Variants in HP1BP3 observed in about 807,000 individuals in gnomAD.
HP1BP3 encodes the protein heterochromatin protein 1 binding protein 3, also known as heterochromatin protein 1-binding protein 3.
A neutral mutation model predicts 62.5 loss-of-function variants in HP1BP3; 12 were observed. The ratio of observed to expected loss-of-function variants is 0.19; its 90% CI spans 0.12 to 0.31. HP1BP3 has a LOEUF of 0.31. HP1BP3 is among the 10% of genes least tolerant of loss of function. The pLI, the probability that HP1BP3 is intolerant of heterozygous loss-of-function variation, is 1.00. For missense variants in HP1BP3, 502 were observed against 651.8 expected, an observed-to-expected ratio of 0.77 and a Z score of 2.50; for synonymous variants, 260 against 237.8, an observed-to-expected ratio of 1.09 and a Z score of -0.86.
chr1:20,783,990 G>C (rs977784720), intron 1 of HP1BP3, among the ~76,000 whole-genome samples: 3 of 148,164 alleles, frequency 2.0e-5, no homozygotes, highest in African/African-American at 7.5e-5. Context: ...TTTTTTGTTT[G>C]TTTGTTTTAA....
At position 20,742,594 on chromosome 1, in the gene HP1BP3, G is replaced by C. The variant is rs2055113346; in HGVS notation, c.*2203C>G. The C allele has an allele frequency of 6.6e-6, 1 of 152,530 alleles. No individual in the cohort carries two copies. The highest frequency in any genetic ancestry group is 1.5e-5 in the Non-Finnish European group (1 of 68,016). The allele number at this position is 152,530 out of a possible 1,614,324, so 9.4% of individuals were successfully genotyped here. On this transcript the variant is annotated 3_prime_UTR_variant, in exon 13 of 13. Transcript: ENST00000438032. The stretch of plus-strand genomic sequence containing the variant: ...ATGATGGTGTTCATTTCAAGGAGTA[G>C]AAAAGACTTAAAGTGAGGGCGACAC...
intron 4 of HP1BP3, chr1:20,775,429 C>T (rs1421580596): frequency 6.6e-6 from 1 of 152,178 alleles, no homozygotes; most frequent in East Asian, 1.9e-4. Flanking sequence ...AGGGCTACAG[C>T]TGTGCACCAT....
In HP1BP3 at chr1:20,773,625, ATTG is replaced by A; in HGVS notation, c.351-18_351-16del. The A allele has an allele frequency of 6.5e-7, 1 of 1,535,524 alleles. No individual in the cohort carries two copies. On this transcript the variant is annotated splice_polypyrimidine_tract_variant and intron_variant, in intron 4 of 12. Transcript: ENST00000438032. ...GATCTTTCTCACTTTAAAACAAAGA[ATTG>A]TTATTATAGAAGATAAGCTCTCTAG...
At chr1:20,766,518 T>C (rs1307210075) in intron 7 of HP1BP3, among the ~76,000 whole-genome samples, 1 of 152,200 alleles carries the variant, frequency 6.6e-6, no homozygotes, top group Non-Finnish European at 1.5e-5. Context: ...GACATTTCAC[T>C]TTATTATTGT....
chr1:20,784,070 A>G lies in HP1BP3; in HGVS notation c.-101+3125T>C, dbSNP rs1179391141. 2.6e-5 allele frequency among the ~76,000 whole-genome samples: 4 copies of G among 152,104 alleles called. 1 individual carries two copies. The highest frequency in any genetic ancestry group is 9.7e-5 in the African/African-American group (4 of 41,404). On this transcript the variant is annotated intron_variant, in intron 1 of 12. Transcript: ENST00000438032. ...CTGCAGCCTCAACCTCCCAGGCTCA[A>G]GCGACTCTCCCACCTTAGTCTCCCT...
At position 20,745,582 on chromosome 1, in the gene HP1BP3, T is replaced by C; in HGVS notation, c.1328A>G (p.Glu443Gly). ...CGGCTCTTCATCCTCAGAGTCTTCT[T>C]CTGATGACTCATCTTCATCTTCATC... Reference protein sequence around the residue: ...DEDEDEDESSEEDSEDEEPPP... With the variant: ...DEDEDEDESSGEDSEDEEPPP... The change falls in exon 12 of 13, where the codon GAA (glutamate) becomes GGA (glycine). Residue 443 changes from glutamate to glycine, a missense_variant. By Grantham distance (98) the Glu-to-Gly change is moderately conservative. Coordinates refer to ENST00000438032, the MANE Select transcript of HP1BP3 (RefSeq NM_001372052.1). 6.2e-7 allele frequency: 1 copy of C among 1,612,948 alleles called. No individual in the cohort carries two copies. The highest frequency in any genetic ancestry group is 2.2e-5 in the East Asian group (1 of 44,876).
intron 7 of HP1BP3, 97 bp from the exon 8 acceptor site, chr1:20,765,628 A>C: frequency 1.1e-6 from 1 of 906,610 alleles, no homozygotes; most frequent in Non-Finnish European, 1.7e-6. Flanking sequence ...AAATTTGTCA[A>C]TTTTATGGCA....
Position 20,779,866 on chromosome 1 carries a change from T to C in HP1BP3, c.142A>G (p.Thr48Ala), listed in dbSNP as rs2057465182. 6.2e-7 allele frequency: 1 copy of C among 1,613,590 alleles called. No individual in the cohort carries two copies. Among genetic ancestry groups the C allele is most frequent in the African/African-American group, 1.3e-5 (1 of 75,028 alleles). Reference protein sequence around the residue: ...TMPIRRTVNSTRETPPKSKLA... With the variant: ...TMPIRRTVNSARETPPKSKLA... ...TTGCTTTTGGGAGGAGTTTCCCGGG[T>C]AGAATTCACAGTTCGACGAATCGGC... Residue 48 changes from threonine (T) to alanine (A), a missense_variant, in exon 3 of 13, where the codon ACC becomes GCC. Around this residue, in one of 5 missense-constraint regions of HP1BP3, gnomAD observed 165 missense variants for 156.4 expected, o/e 1.05. Transcript: ENST00000438032.
At chr1:20,778,527 T>C (rs1362214146) in intron 3 of HP1BP3, among the ~76,000 whole-genome samples, 2 of 152,256 alleles carry the variant, frequency 1.3e-5, no homozygotes, top group South Asian at 2.1e-4. Context: ...CTGTTAAACA[T>C]GGATTAAGAT....
chr1:20,773,468 A>G lies in HP1BP3; in HGVS notation c.493T>C (p.Leu165=). ...SSPRPKMDAI[L]TEAIKACFQK... ...AAACTTGCCTTAATGGCCTCAGTTA[A>G]GATTGCATCCATCTTGGGACGTGGG... Residue 165 remains leucine, a synonymous_variant, in exon 5 of 13, where the codon TTA becomes CTA. Transcript: ENST00000438032. 1 of 1,610,982 alleles carries G rather than the reference A, an allele frequency of 6.2e-7. No individual in the cohort carries two copies. The highest frequency in any genetic ancestry group is 2.2e-5 in the East Asian group (1 of 44,790).
Position 20,764,453 on chromosome 1 carries a change from C to T in HP1BP3, c.890+924G>A, listed in dbSNP as rs143121393. ...CCACCTCCTGGGTTCAAGCGATTCT[C>T]CTGCCTCAGCCTCCTGAGTAGCTGA... On this transcript the variant is annotated intron_variant, in intron 8 of 12. Coordinates refer to ENST00000438032, the MANE Select transcript of HP1BP3 (RefSeq NM_001372052.1). 7.9e-3 allele frequency among the ~76,000 whole-genome samples: 1,201 copies of T among 151,908 alleles called. 17 individuals are homozygous for T. Among genetic ancestry groups the T allele is most frequent in the African/African-American group, 0.027 (1,128 of 41,466 alleles).
chr1:20,755,485 G>A (rs2056048826), intron 9 of HP1BP3: 1 of 378,652 alleles, frequency 2.6e-6, no homozygotes, highest in Non-Finnish European at 5.6e-6. Flanking sequence ...TAAGATGGGA[G>A]GATTGCTTGA....
intron 8 of HP1BP3, among the ~76,000 whole-genome samples, chr1:20,764,093 T>C (rs561065666): frequency 2.0e-4 from 30 of 152,314 alleles, no homozygotes; most frequent in South Asian, 4.1e-4. Context: ...CCAACACATA[T>C]AATTTCATTT....
chr1:20,755,642 T>A (rs1431251027), intron 9 of HP1BP3, among the ~76,000 whole-genome samples: 1 of 152,130 alleles, frequency 6.6e-6, no homozygotes, highest in Non-Finnish European at 1.5e-5. Context: ...ATTTACCATA[T>A]GGCCCAGCAA....
Position 20,755,237 on chromosome 1 carries a change from TAA to T in HP1BP3, c.981+1927_981+1928del, listed in dbSNP as rs1431766735. On this transcript the variant is annotated intron_variant, in intron 9 of 12. Coordinates refer to ENST00000438032, the MANE Select transcript of HP1BP3 (RefSeq NM_001372052.1). ...CCTATATCCACTAGTATGGCTATAATAAAAAAGAGTAACAAACGTTGAGGAGG... is the reference window on the plus strand; with the variant it reads ...CCTATATCCACTAGTATGGCTATAATAAAAGAGTAACAAACGTTGAGGAGG... 4.4e-5 allele frequency: 14 copies of T among 315,258 alleles called. No homozygotes were observed. The East Asian group carries it at 1.1e-3, about 26-fold the overall frequency. The allele number at this position is 315,258 out of a possible 1,614,324, so 19.5% of individuals were successfully genotyped here.
At chr1:20,754,003 T>G (rs147819027) in intron 9 of HP1BP3, among the ~76,000 whole-genome samples, 11 of 152,294 alleles carry the variant, frequency 7.2e-5, no homozygotes, top group African/African-American at 2.6e-4. Flanking sequence ...TAATGGAGGT[T>G]AATCTAGAGC....
chr1:20,786,611 A>G (rs1021070556), intron 1 of HP1BP3: 1 of 152,248 alleles, frequency 6.6e-6, no homozygotes, highest in African/African-American at 2.4e-5. Context: ...CGACGGAAGC[A>G]GCGGCGGAAC....
rs2057320366 is a variant in HP1BP3 at position 20,776,716 on chromosome 1, A to G, written c.231T>C (p.Thr77=). Residue 77 remains threonine, a synonymous_variant, in exon 4 of 13, where the codon ACT becomes ACC. Transcript: ENST00000438032. ...GAGTTTCATTCTCTTGTTCTTCTAC[A>G]GTGGAGACAGATTCCTCTGAACTTA... ...PDISSEESVS[T]VEEQENETPP... 6.2e-7 allele frequency: 1 copy of G among 1,613,674 alleles called. No individual in the cohort carries two copies. Among genetic ancestry groups the G allele is most frequent in the Admixed American group, 1.7e-5 (1 of 59,918 alleles).
chr1:20,786,872 G>C (rs1335472831), intron 1 of HP1BP3, among the ~76,000 whole-genome samples: 2 of 152,146 alleles, frequency 1.3e-5, no homozygotes, highest in African/African-American at 4.8e-5. Context: ...GGCGCGCTGG[G>C]ACGCAGGGTC....
Sources: gnomAD v4.1 joint callset for allele counts (sites outside exome capture counted in the v4.1 genomes callset) on GRCh38, gnomAD v4.1.1 for gene constraint, gnomAD v4.1.1 regional missense constraint, MANE v1.5 for transcripts, NCBI Gene and HGNC (gene_info 2026-07-23, HGNC 2026-07-21) for gene names.